The following DNER variants were observed in gnomAD, a reference collection of about 807,000 sequenced individuals.
DNER encodes delta/notch like EGF repeat containing, also known as delta and Notch-like epidermal growth factor-related receptor.
DNER carries 33 observed loss-of-function variants against 78.2 expected under a neutral mutation model. The observed-to-expected ratio is 0.42, with a 90% CI of 0.32 to 0.56. The LOEUF is 0.56. Among genes scored for constraint, DNER ranks in the 20% least tolerant of loss-of-function variants. The pLI is 0.11. For missense variants in DNER, 918 were observed against 975.3 expected (o/e 0.94, Z 0.78); for synonymous variants, 417 against 384.8 (o/e 1.08, Z -0.98).
intron 8 of DNER, among the ~76,000 whole-genome samples, chr2:229,440,912 C>T (rs1012838993): frequency 6.6e-6 from 1 of 152,166 alleles, no homozygotes; most frequent in Non-Finnish European, 1.5e-5. Flanking sequence ...TTGGTACTTG[C>T]TAGAAGATCT....
chr2:229,513,940 C>T (rs1167055704), intron 5 of DNER, among the ~76,000 whole-genome samples: 1 of 147,120 alleles, frequency 6.8e-6, no homozygotes, highest in Non-Finnish European at 1.5e-5. Flanking sequence ...AAGAGACTCT[C>T]TCCTCTTCTC....
At chr2:229,698,099 G>A (rs1422719741) in intron 1 of DNER, among the ~76,000 whole-genome samples, 2 of 152,184 alleles carry the variant, frequency 1.3e-5, no homozygotes, top group African/African-American at 4.8e-5. Flanking sequence ...AGTTACTCGG[G>A]AGACTGAGGT....
intron 7 of DNER, among the ~76,000 whole-genome samples, chr2:229,452,875 G>A (rs746512596): frequency 6.6e-5 from 10 of 152,234 alleles, no homozygotes; most frequent in East Asian, 1.9e-4. Flanking sequence ...TGATCCACTC[G>A]CCTCAGCCTC....
At chr2:229,420,487 G>T (rs1693741900) in intron 8 of DNER, among the ~76,000 whole-genome samples, 1 of 152,108 alleles carries the variant, frequency 6.6e-6, no homozygotes, top group African/African-American at 2.4e-5. Flanking sequence ...TATCCAAGAA[G>T]TCATTCCTAA....
At chr2:229,712,878 C>T (rs1378376036) in intron 1 of DNER, among the ~76,000 whole-genome samples, 2 of 152,086 alleles carry the variant, frequency 1.3e-5, no homozygotes, top group Non-Finnish European at 2.9e-5. Flanking sequence ...ATTCAGTTTG[C>T]TAATTTGCTA....
Position 229,588,936 on chromosome 2 carries a change from A to G in DNER, c.586-448T>C, listed in dbSNP as rs537306354. Among the ~76,000 whole-genome samples, 5 of 152,362 alleles carry G rather than the reference A, an allele frequency of 3.3e-5. No homozygotes were observed. In the South Asian group the frequency reaches 1.0e-3, roughly 32 times the overall value. On this transcript the variant is annotated intron_variant, in intron 2 of 12. Coordinates refer to ENST00000341772, the MANE Select transcript of DNER (RefSeq NM_139072.4). ...CGACTTGCAAAGTGCATGCAGTATCAGGTCTGATGACTCTTCTGTGTGCTG... is the reference window on the plus strand; with the variant it reads ...CGACTTGCAAAGTGCATGCAGTATCGGGTCTGATGACTCTTCTGTGTGCTG...
In DNER at chr2:229,357,704, C is replaced by G. The variant is rs1692120321; in HGVS notation, c.*836G>C. Reference sequence around the variant, plus strand: ...AGAAGAAGCACATATCAATCAAATACAGCCACAAAAACATCCTGGAGATAA... The same window carrying G: ...AGAAGAAGCACATATCAATCAAATAGAGCCACAAAAACATCCTGGAGATAA... On this transcript the variant is annotated 3_prime_UTR_variant, in exon 13 of 13. Coordinates refer to ENST00000341772, the MANE Select transcript of DNER (RefSeq NM_139072.4). 1 of 152,184 alleles carries G rather than the reference C, an allele frequency of 6.6e-6. No individual in the cohort carries two copies. The highest frequency in any genetic ancestry group is 2.4e-5 in the African/African-American group (1 of 41,452). The allele number at this position is 152,184 out of a possible 1,614,324, so 9.4% of individuals were successfully genotyped here.
At chr2:229,387,509 G>GAGAAAAAGAAAGAA (rs1692903750) in intron 11 of DNER, among the ~76,000 whole-genome samples, 1 of 76,128 alleles carries the variant, frequency 1.3e-5, no homozygotes, top group African/African-American at 4.6e-5. Context: ...GAAAGAAAGA[G>GAGAAAAAGAAAGAA]AGAAAGAAAG....
intron 8 of DNER, among the ~76,000 whole-genome samples, chr2:229,445,895 C>T (rs897950467): frequency 2.6e-5 from 4 of 152,182 alleles, no homozygotes; most frequent in Non-Finnish European, 4.4e-5. Context: ...AGGCACTTGG[C>T]AAAATATCAG....
intron 1 of DNER, among the ~76,000 whole-genome samples, chr2:229,636,638 T>C (rs1225017443): frequency 6.6e-6 from 1 of 152,218 alleles, no homozygotes; most frequent in African/African-American, 2.4e-5. Flanking sequence ...AGACTTGAAA[T>C]GTCCCTAAGT....
At chr2:229,414,508 C>A (rs1394763412) in intron 9 of DNER, among the ~76,000 whole-genome samples, 2 of 152,320 alleles carry the variant, frequency 1.3e-5, no homozygotes, top group East Asian at 3.9e-4. Context: ...CTGCCCACTG[C>A]AGCTTCCCAA....
chr2:229,654,670 A>G (rs1368520012), intron 1 of DNER, among the ~76,000 whole-genome samples: 1 of 152,186 alleles, frequency 6.6e-6, no homozygotes, highest in East Asian at 1.9e-4. Flanking sequence ...TGTGTCACAC[A>G]AGTCTCAATT....
intron 11 of DNER, among the ~76,000 whole-genome samples, chr2:229,386,382 A>C (rs1574818676): frequency 6.6e-6 from 1 of 152,344 alleles, no homozygotes; most frequent in Admixed American, 6.5e-5. Flanking sequence ...AAGAAAACCT[A>C]GGCAATACCA....
chr2:229,426,204 G>A (rs761909694), intron 8 of DNER, among the ~76,000 whole-genome samples: 6 of 152,088 alleles, frequency 3.9e-5, no homozygotes, highest in Non-Finnish European at 7.4e-5. Flanking sequence ...CACTTTGGGA[G>A]GCCGAGGCGG....
chr2:229,413,977 G>A (rs1693587978), intron 9 of DNER, among the ~76,000 whole-genome samples: 1 of 151,858 alleles, frequency 6.6e-6, no homozygotes, highest in African/African-American at 2.4e-5. Flanking sequence ...CATACGATAT[G>A]TAAATATATA....
At chr2:229,415,192 G>A (rs544568786) in intron 9 of DNER, among the ~76,000 whole-genome samples, 2 of 152,132 alleles carry the variant, frequency 1.3e-5, no homozygotes, top group African/African-American at 4.8e-5. Context: ...CTTCCCGGAA[G>A]TTCAAGACTG....
At chr2:229,550,753 G>A (rs148570733) in intron 4 of DNER, among the ~76,000 whole-genome samples, 5,044 of 152,106 alleles carry the variant, frequency 0.033, 118 homozygotes, top group Non-Finnish European at 0.056. Flanking sequence ...CCAGTCTGGC[G>A]ACAGAGCGAG....
intron 7 of DNER, among the ~76,000 whole-genome samples, chr2:229,476,450 G>A (rs1695038800): frequency 6.6e-6 from 1 of 152,182 alleles, no homozygotes; most frequent in South Asian, 2.1e-4. Flanking sequence ...TGCAGAGGAT[G>A]TGACTCTATG....
intron 3 of DNER, among the ~76,000 whole-genome samples, chr2:229,586,543 A>G (rs866414148): frequency 9.8e-6 from 1 of 102,434 alleles, no homozygotes; most frequent in Non-Finnish European, 1.8e-5. Flanking sequence ...AAAAAAAAAA[A>G]AAAAAAACAC....
Sources: gnomAD v4.1 joint callset for allele counts (sites outside exome capture counted in the v4.1 genomes callset) on GRCh38, gnomAD v4.1.1 for gene constraint, MANE v1.5 for transcripts, NCBI Gene and HGNC (gene_info 2026-07-23, HGNC 2026-07-21) for gene names.